Variants in GAP43 observed in about 807,000 individuals in gnomAD.
GAP43 encodes growth associated protein 43.
In GAP43, 6 loss-of-function variants were observed where a neutral mutation model predicts 18.6. The observed-to-expected ratio is 0.32, with a 90% CI of 0.18 to 0.64. The LOEUF (loss-of-function observed/expected upper bound fraction) is 0.64, where lower values mean the gene tolerates loss of function less well. Ranked by LOEUF, GAP43 falls within the 30% of genes least tolerant of loss-of-function variation. The pLI, the probability that GAP43 is intolerant of heterozygous loss-of-function variation, is 0.78. For missense variants in GAP43, 292 were observed against 295.5 expected (o/e 0.99, Z 0.09); for synonymous variants, 115 against 111.4 (o/e 1.03, Z -0.20).
chr3:115,670,990 G>C (rs925978614), intron 1 of GAP43, among the ~76,000 whole-genome samples: 1 of 152,134 alleles, frequency 6.6e-6, no homozygotes, highest in Non-Finnish European at 1.5e-5. Context: ...AAAAATTTAA[G>C]TATTATAATG....
intron 1 of GAP43, among the ~76,000 whole-genome samples, chr3:115,646,999 T>C (rs987672713): frequency 3.3e-5 from 5 of 152,010 alleles, no homozygotes; most frequent in East Asian, 1.9e-4. Flanking sequence ...GAGGGTGCTA[T>C]GATTTGAATG....
chr3:115,662,627 G>A (rs560386033), intron 1 of GAP43, among the ~76,000 whole-genome samples: 50 of 152,280 alleles, frequency 3.3e-4, no homozygotes, highest in Middle Eastern at 3.4e-3. Context: ...CAGAATCCTG[G>A]TAAGAGTGGT....
In GAP43 at chr3:115,674,009, C is replaced by T. The variant is rs117304606; in HGVS notation, c.31-2004C>T. ...GGTCCTATGCAGCAATAGGTCTGTA[C>T]GCTTGTCCAAAGAATGTCTAACAGC... is the stretch of plus-strand genomic sequence containing the variant. On this transcript the variant is annotated intron_variant, in intron 1 of 2. Transcript: ENST00000305124. Among the ~76,000 whole-genome samples, 248 of 152,270 alleles carry T rather than the reference C, an allele frequency of 1.6e-3. 6 individuals carry two copies. The East Asian group carries it at 0.036, about 22-fold the overall frequency.
intron 2 of GAP43, among the ~76,000 whole-genome samples, chr3:115,684,208 CT>C (rs940443411): frequency 2.3e-4 from 35 of 151,772 alleles, no homozygotes; most frequent in African/African-American, 7.3e-4. Context: ...CTTTTGAAGG[CT>C]TTTTTTTCCC....
At chr3:115,633,935 T>C (rs1046698770) in intron 1 of GAP43, among the ~76,000 whole-genome samples, 1 of 152,226 alleles carries the variant, frequency 6.6e-6, no homozygotes, top group African/African-American at 2.4e-5. Context: ...TCATCTCATT[T>C]TGAATGTTCT....
intron 1 of GAP43, among the ~76,000 whole-genome samples, chr3:115,643,821 G>A (rs891809700): frequency 5.9e-5 from 9 of 152,002 alleles, no homozygotes; most frequent in South Asian, 2.1e-4. Flanking sequence ...TGAGGGCTCC[G>A]TTACTCTTTT....
At chr3:115,703,841 G>A (rs1709326485) in intron 2 of GAP43, among the ~76,000 whole-genome samples, 1 of 152,034 alleles carries the variant, frequency 6.6e-6, no homozygotes, top group Non-Finnish European at 1.5e-5. Flanking sequence ...TTGTTATAGT[G>A]TTCCCAAATA....
chr3:115,639,912 G>A (rs927311436), intron 1 of GAP43, among the ~76,000 whole-genome samples: 1 of 152,008 alleles, frequency 6.6e-6, no homozygotes, highest in African/African-American at 2.4e-5. Context: ...AATCAAGAAG[G>A]GAAAAGAATG....
intron 2 of GAP43, among the ~76,000 whole-genome samples, chr3:115,705,996 C>T (rs1709358573): frequency 6.6e-6 from 1 of 152,096 alleles, no homozygotes. Context: ...CTTCCTACCC[C>T]ATTCTGATTC....
intron 2 of GAP43, among the ~76,000 whole-genome samples, chr3:115,682,218 G>T (rs1315513355): frequency 6.6e-6 from 1 of 152,114 alleles, no homozygotes; most frequent in East Asian, 1.9e-4. Context: ...TCCAAGTACT[G>T]TTTTATTAGA....
chr3:115,668,238 A>G (rs1398633967), intron 1 of GAP43, among the ~76,000 whole-genome samples: 3 of 152,166 alleles, frequency 2.0e-5, no homozygotes, highest in African/African-American at 7.2e-5. Flanking sequence ...AGCATGATTA[A>G]CGTGCCTCAT....
intron 2 of GAP43, among the ~76,000 whole-genome samples, chr3:115,683,145 G>GCGCGCACA (rs1553723499): frequency 1.9e-5 from 2 of 105,486 alleles, no homozygotes; most frequent in African/African-American, 6.6e-5. Context: ...GCGCGCGCGC[G>GCGCGCACA]CGCACACACA....
Position 115,623,552 on chromosome 3 carries a change from G to GA in GAP43, c.-138_-137insA. The GA allele has an allele frequency of 9.7e-7, 1 of 1,028,084 alleles. No homozygotes were observed. Among genetic ancestry groups the GA allele is most frequent in the Non-Finnish European group, 1.5e-6 (1 of 676,862 alleles). 63.7% of individuals were successfully genotyped at this position (1,028,084 alleles called of 1,614,324 possible). On this transcript the variant is annotated 5_prime_UTR_variant, in exon 1 of 3. Coordinates refer to ENST00000305124, the MANE Select transcript of GAP43 (RefSeq NM_002045.4). ...CCCTGGTGTGTGTGAGGGAGAGAGA[G>GA]GGAGGGAGGGAGAGAGAGCGCGCTA...
At chr3:115,690,856 C>T (rs770067859) in intron 2 of GAP43, among the ~76,000 whole-genome samples, 5 of 150,592 alleles carry the variant, frequency 3.3e-5, no homozygotes, top group East Asian at 2.0e-4. Context: ...CCCAGGTTCA[C>T]GCCATTCTCC....
At chr3:115,650,445 AAG>A (rs1708507325) in intron 1 of GAP43, among the ~76,000 whole-genome samples, 1 of 152,148 alleles carries the variant, frequency 6.6e-6, no homozygotes, top group African/African-American at 2.4e-5. Flanking sequence ...TCAGTCCATT[AAG>A]AGTTTATTTC....
Position 115,720,853 on chromosome 3 carries a change from G to C in GAP43, c.688G>C (p.Glu230Gln). Residue 230 changes from glutamate (E) to glutamine (Q), a missense_variant, in exon 3 of 3, where the codon GAA becomes CAA. Physicochemically the swap from Glu to Gln is conservative, Grantham distance 29. Transcript: ENST00000305124. ...CCGGCAGGACGAGGGTAAAGAAGAGGAACCTGAGGCTGACCAAGAACATGC... is the reference window on the plus strand; with the variant it reads ...CCGGCAGGACGAGGGTAAAGAAGAGCAACCTGAGGCTGACCAAGAACATGC... ...SARQDEGKEE[E>Q]PEADQEHA 6.2e-7 allele frequency: 1 copy of C among 1,612,846 alleles called. No individual in the cohort carries two copies. Among genetic ancestry groups the C allele is most frequent in the Non-Finnish European group, 8.5e-7 (1 of 1,179,246 alleles).
chr3:115,627,190 T>C (rs759809919), intron 1 of GAP43, among the ~76,000 whole-genome samples: 4 of 148,660 alleles, frequency 2.7e-5, no homozygotes, highest in Non-Finnish European at 4.4e-5. Context: ...AGAAAATTCA[T>C]GGTGAGTCTA....
chr3:115,666,391 A>T (rs1559795859), intron 1 of GAP43, among the ~76,000 whole-genome samples: 1 of 152,158 alleles, frequency 6.6e-6, no homozygotes, highest in Admixed American at 6.5e-5. Context: ...ACCTACAATC[A>T]TCAGGATGAA....
intron 1 of GAP43, among the ~76,000 whole-genome samples, chr3:115,649,599 A>C (rs1301578343): frequency 6.6e-6 from 1 of 152,062 alleles, no homozygotes; most frequent in Non-Finnish European, 1.5e-5. Context: ...GAAATGATAC[A>C]GCTTTGAAAC....
Sources: allele counts gnomAD v4.1 joint callset (sites outside exome capture counted in the v4.1 genomes callset), GRCh38; gene constraint gnomAD v4.1.1; transcripts MANE v1.5; gene names NCBI Gene and HGNC (gene_info 2026-07-23, HGNC 2026-07-21).